Variants in STOX2 observed in about 807,000 individuals in gnomAD.
STOX2 encodes the protein storkhead box 2, also known as storkhead-box protein 2.
A neutral mutation model predicts 60.9 loss-of-function variants in STOX2; 28 were observed. That is an observed-to-expected ratio of 0.46 (90% CI 0.34 to 0.63). The LOEUF (loss-of-function observed/expected upper bound fraction) is 0.63. Among genes scored for constraint, STOX2 ranks in the 30% least tolerant of loss-of-function variants. The pLI is 0.01. For synonymous variants in STOX2, 472 were observed against 463.9 expected (o/e 1.02, Z -0.22); for missense variants, 1,024 against 1,187.7 (o/e 0.86, Z 2.03).
chr4:183,945,137 G>A lies in STOX2; in HGVS notation c.166+38181G>A, dbSNP rs147479255. Among the ~76,000 whole-genome samples the A allele has an allele frequency of 3.3e-3, 509 of 152,294 alleles. 4 individuals carry two copies. Among genetic ancestry groups the A allele is most frequent in the African/African-American group, 0.012 (491 of 41,562 alleles). The stretch of plus-strand genomic sequence containing the variant: ...TTCAAGGTTTCATTCTTTTCTGTAG[G>A]AAAGATTAGGACAAAATTTCATCAA... On this transcript the variant is annotated intron_variant, in intron 1 of 3. Coordinates refer to ENST00000308497, the MANE Select transcript of STOX2 (RefSeq NM_020225.3).
At chr4:183,941,770 C>T (rs1163754843) in intron 1 of STOX2, among the ~76,000 whole-genome samples, 1 of 152,088 alleles carries the variant, frequency 6.6e-6, no homozygotes, top group African/African-American at 2.4e-5. Context: ...TTGTGCCTTA[C>T]AAAGCTCCAC....
At chr4:183,900,944 T>G (rs1741446381), upstream of STOX2, among the ~76,000 whole-genome samples, 1 of 152,192 alleles carries the variant, frequency 6.6e-6, no homozygotes, top group Non-Finnish European at 1.5e-5. Flanking sequence ...TATAGTCCAG[T>G]TAAGTTAAAT....
At chr4:183,851,026 C>G (rs1222713238) in intron 1 of STOX2, among the ~76,000 whole-genome samples, 233 of 49,970 alleles carry the variant, frequency 4.7e-3, no homozygotes, top group Middle Eastern at 0.016. Flanking sequence ...ATGAGAGAAA[C>G]GATGAGGGAA....
intron 2 of STOX2, among the ~76,000 whole-genome samples, chr4:184,008,370 CA>C (rs1322809920): frequency 5.9e-5 from 9 of 152,324 alleles, no homozygotes; most frequent in African/African-American, 2.2e-4. Context: ...AAGCTTTCAT[CA>C]TTTTCATCTG....
Position 183,990,578 on chromosome 4 carries a change from A to ATTTTTTTTT in STOX2, c.167-10718_167-10710dup, listed in dbSNP as rs57369052. Among the ~76,000 whole-genome samples, 28 of 82,476 alleles carry ATTTTTTTTT rather than the reference A, an allele frequency of 3.4e-4. 4 individuals carry two copies. In the East Asian group the frequency reaches 5.4e-3, roughly 16 times the overall value. The allele number at this position is 82,476 out of a possible 152,430, so 54.1% of individuals were successfully genotyped here. ...GAAGAGGGGCAGTTTAAAAAGCAGG[A>ATTTTTTTTT]TTTTTTTTTTTTTTTTTTTTTTTTT... On this transcript the variant is annotated intron_variant, in intron 1 of 3. Coordinates refer to ENST00000308497, the MANE Select transcript of STOX2 (RefSeq NM_020225.3).
At chr4:183,823,243 A>C (rs1436880297) in intron 1 of STOX2, among the ~76,000 whole-genome samples, 4 of 152,056 alleles carry the variant, frequency 2.6e-5, no homozygotes, top group African/African-American at 9.7e-5. Context: ...TAAAAATACA[A>C]AAATCAGCTG....
At chr4:183,858,792 G>A (rs1740362435) in intron 1 of STOX2, among the ~76,000 whole-genome samples, 1 of 152,074 alleles carries the variant, frequency 6.6e-6, no homozygotes, top group African/African-American at 2.4e-5. Flanking sequence ...TTGTTTTGTA[G>A]TCGACTTCTT....
intron 1 of STOX2, among the ~76,000 whole-genome samples, chr4:183,861,609 A>G (rs1740448839): frequency 6.6e-6 from 1 of 152,130 alleles, no homozygotes; most frequent in Non-Finnish European, 1.5e-5. Flanking sequence ...GTGACCGTGA[A>G]CAAGTCACCT....
chr4:183,846,515 G>A (rs1042278372), intron 1 of STOX2, among the ~76,000 whole-genome samples: 1 of 152,022 alleles, frequency 6.6e-6, no homozygotes, highest in Non-Finnish European at 1.5e-5. Flanking sequence ...CAAGTTTGCT[G>A]ATTCTTTCTT....
intron 1 of STOX2, among the ~76,000 whole-genome samples, chr4:183,844,994 A>G (rs1226403690): frequency 6.6e-6 from 1 of 152,228 alleles, no homozygotes; most frequent in African/African-American, 2.4e-5. Flanking sequence ...ATGAAACTAA[A>G]ACATAGAAAA....
rs1472780385 is a variant in STOX2 at position 184,023,161 on chromosome 4, A to T, written c.*5877A>T. On this transcript the variant is annotated 3_prime_UTR_variant, in exon 4 of 4. Transcript: ENST00000308497. ...TAAAATGTGTTTGCACTGAAAAAAA[A>T]TTTTAAATTACTTGGTCTCTGGTTG... is the stretch of plus-strand genomic sequence containing the variant. The T allele has an allele frequency of 6.6e-6, 1 of 152,182 alleles. No homozygotes were observed. Among genetic ancestry groups the T allele is most frequent in the Non-Finnish European group, 1.5e-5 (1 of 68,038 alleles). The allele number at this position is 152,182 out of a possible 1,614,324, so 9.4% of individuals were successfully genotyped here.
At position 183,890,066 on chromosome 4, in the gene STOX2, C is replaced by T. The variant is rs551117723; in HGVS notation, c.364+92011C>T. On this transcript the variant is annotated intron_variant, in intron 1 of 2. Coordinates refer to the STOX2 transcript ENST00000513034. ...ATAGTATTTCTTGGCTCTTCAGTCTCATTTAAAATACAGGTCTAGCTCCAT... is the reference window on the plus strand; with the variant it reads ...ATAGTATTTCTTGGCTCTTCAGTCTTATTTAAAATACAGGTCTAGCTCCAT... Among the ~76,000 whole-genome samples, 19 of 152,288 alleles carry T rather than the reference C, an allele frequency of 1.2e-4. No individual in the cohort carries two copies. In the South Asian group the frequency reaches 3.5e-3, roughly 28 times the overall value.
intron 1 of STOX2, among the ~76,000 whole-genome samples, chr4:183,917,055 G>A (rs150185880): frequency 1.4e-3 from 213 of 152,310 alleles, no homozygotes; most frequent in Admixed American, 3.8e-3. Flanking sequence ...GCCGTGGCTC[G>A]GGTCTGACGT....
chr4:183,816,671 T>G (rs1170003628), intron 1 of STOX2, among the ~76,000 whole-genome samples: 1 of 152,208 alleles, frequency 6.6e-6, no homozygotes, highest in Non-Finnish European at 1.5e-5. Flanking sequence ...TCAAAAAAAT[T>G]TAAATGGTGA....
chr4:184,017,221 A>T lies in STOX2; in HGVS notation c.2718A>T (p.Thr906=). 1 of 1,610,100 alleles carries T rather than the reference A, an allele frequency of 6.2e-7. No individual in the cohort carries two copies. Among genetic ancestry groups the T allele is most frequent in the Non-Finnish European group, 8.5e-7 (1 of 1,178,116 alleles). Residue 906 remains threonine, a synonymous_variant, in exon 4 of 4, where the codon ACA becomes ACT. Coordinates refer to ENST00000308497, the MANE Select transcript of STOX2 (RefSeq NM_020225.3). ...FNFRASAEPP[T]NEAEKLQKPS... ...TCCGAGCGAGCGCGGAGCCCCCGACAAATGAAGCTGAGAAGCTACAGAAAC... is the reference window on the plus strand; with the variant it reads ...TCCGAGCGAGCGCGGAGCCCCCGACTAATGAAGCTGAGAAGCTACAGAAAC...
intron 3 of STOX2, chr4:184,014,110 C>CAAAAAAAAAAAAAAAAAAAAAA: frequency 7.2e-6 from 1 of 138,644 alleles, no homozygotes; most frequent in African/African-American, 2.7e-5. Context: ...AAGCCCCAAC[C>CAAAAAAAAAAAAAAAAAAAAAA]AAAAAAAAAA....
chr4:183,799,949 C>T (rs578091139), intron 1 of STOX2, among the ~76,000 whole-genome samples: 2 of 152,276 alleles, frequency 1.3e-5, no homozygotes, highest in African/African-American at 4.8e-5. Flanking sequence ...CCTCACCTTA[C>T]CTCTGCACCC....
chr4:184,009,906 G>A lies in STOX2; in HGVS notation c.1068G>A (p.Arg356=), dbSNP rs756454653. Reference sequence around the variant, plus strand: ...GGTCCTCTGCCCATCACAGCGGAAGGAGTAAAAAGAGTAGGACTCATCGGA... The same window carrying A: ...GGTCCTCTGCCCATCACAGCGGAAGAAGTAAAAAGAGTAGGACTCATCGGA... ...KAGSSAHHSG[R]SKKSRTHRKS... is the part of the protein sequence containing the mutation. The change falls in exon 3 of 4, where the codon AGG becomes AGA. Residue 356 remains arginine (R), a synonymous_variant. Transcript: ENST00000308497. This position sits in a 1 kb window ranked among gnomAD's most constrained non-coding sequence, Gnocchi z 4.0. The A allele has an allele frequency of 3.7e-6, 6 of 1,612,410 alleles. No individual in the cohort carries two copies. Among genetic ancestry groups the A allele is most frequent in the Middle Eastern group, 1.6e-4 (1 of 6,084 alleles).
chr4:183,986,999 G>A (rs765576778), intron 1 of STOX2, among the ~76,000 whole-genome samples: 1 of 152,190 alleles, frequency 6.6e-6, no homozygotes, highest in African/African-American at 2.4e-5. Flanking sequence ...CTGGGTTCAT[G>A]AGGATGTGGG....
Sources: gnomAD v4.1 joint callset for allele counts (sites outside exome capture counted in the v4.1 genomes callset) on GRCh38, gnomAD v4.1.1 for gene constraint, Gnocchi (gnomAD v3.1) non-coding constraint, MANE v1.5 for transcripts, NCBI Gene and HGNC (gene_info 2026-07-23, HGNC 2026-07-21) for gene names.